Variants in CORIN observed in about 807,000 individuals in gnomAD.
CORIN encodes the protein corin, serine peptidase.
In CORIN, 117 loss-of-function variants were observed where a neutral mutation model predicts 125.3. That is an observed-to-expected ratio of 0.93 (90% confidence interval 0.80 to 1.09). The LOEUF (loss-of-function observed/expected upper bound fraction) is 1.09, where lower values mean the gene tolerates loss of function less well. Ranked by LOEUF, CORIN falls within the 50% of genes least tolerant of loss-of-function variation. The pLI is 0.00. For synonymous variants in CORIN, 450 were observed against 466.4 expected (o/e 0.96, Z 0.45); for missense variants, 1,253 against 1,306.7 (o/e 0.96, Z 0.63).
At chr4:47,676,851 C>T (rs540395385) in intron 9 of CORIN, among the ~76,000 whole-genome samples, 269 of 152,152 alleles carry the variant, frequency 1.8e-3, no homozygotes, top group African/African-American at 6.3e-3. Context: ...CGGAAGTGCT[C>T]GGTTGATATG....
chr4:47,623,398 A>G (rs1327085984), intron 19 of CORIN, among the ~76,000 whole-genome samples, 173 bp downstream of exon 19: 1 of 152,188 alleles, frequency 6.6e-6, no homozygotes, highest in Non-Finnish European at 1.5e-5. Context: ...CAGCCCACAT[A>G]TTAGATGGCA....
chr4:47,763,304 G>A, intron 4 of CORIN, 75 bp downstream of exon 4: 1 of 1,143,246 alleles, frequency 8.7e-7, no homozygotes, highest in South Asian at 1.4e-5. Context: ...GGAGTCATTT[G>A]GATAATTTTT....
chr4:47,683,934 C>T (rs1725400507), intron 6 of CORIN, 96 bp from the exon 7 acceptor site: 3 of 831,424 alleles, frequency 3.6e-6, no homozygotes, highest in Non-Finnish European at 5.7e-6. Flanking sequence ...AAGGGACACC[C>T]TAATGGTAAC....
At chr4:47,680,463 G>C (rs567609145) in intron 7 of CORIN, 1 of 469,432 alleles carries the variant, frequency 2.1e-6, no homozygotes, top group Non-Finnish European at 3.8e-6. Context: ...AGATGGGTCT[G>C]TTTTTCAGAT....
At chr4:47,670,114 T>C (rs1724682115) in intron 10 of CORIN, among the ~76,000 whole-genome samples, 1 of 152,240 alleles carries the variant, frequency 6.6e-6, no homozygotes, top group African/African-American at 2.4e-5. Context: ...CCATTCTTTC[T>C]ATTTCTGAAC....
At chr4:47,614,920 G>A (rs943562344) in intron 19 of CORIN, among the ~76,000 whole-genome samples, 3 of 152,132 alleles carry the variant, frequency 2.0e-5, no homozygotes, top group Admixed American at 1.3e-4. Context: ...ATTATCTCGG[G>A]CACTTAGAAG....
At chr4:47,654,389 T>C (rs1723870070) in intron 12 of CORIN, among the ~76,000 whole-genome samples, 1 of 152,190 alleles carries the variant, frequency 6.6e-6, no homozygotes, top group Admixed American at 6.5e-5. Flanking sequence ...TCATAGTACC[T>C]GGTTTTAAAT....
intron 1 of CORIN, among the ~76,000 whole-genome samples, chr4:47,828,862 T>C (rs1209231984): frequency 2.0e-5 from 3 of 151,408 alleles, no homozygotes; most frequent in Non-Finnish European, 4.4e-5. Context: ...AGACTTGTTA[T>C]GAAAAAAAAA....
chr4:47,785,542 A>C (rs1377276446), intron 3 of CORIN, among the ~76,000 whole-genome samples: 1 of 151,970 alleles, frequency 6.6e-6, no homozygotes, highest in Non-Finnish European at 1.5e-5. Flanking sequence ...ATTCACCAAC[A>C]TGTAAAATAA....
chr4:47,726,747 T>C (rs1727613331), intron 5 of CORIN, among the ~76,000 whole-genome samples: 1 of 152,046 alleles, frequency 6.6e-6, no homozygotes, highest in Non-Finnish European at 1.5e-5. Context: ...AAAGTAACTC[T>C]GATTTGATGA....
At chr4:47,623,870 T>C (rs754459418) in intron 18 of CORIN, 29 bp downstream of exon 18, 12 of 1,610,262 alleles carry the variant, frequency 7.5e-6, no homozygotes, top group African/African-American at 1.3e-5. Context: ...TAAGTTCATA[T>C]CCCATTGCCA....
chr4:47,732,019 G>A (rs1209958677), intron 5 of CORIN, among the ~76,000 whole-genome samples: 2 of 152,170 alleles, frequency 1.3e-5, no homozygotes, highest in African/African-American at 4.8e-5. Flanking sequence ...ACAGTGGAAT[G>A]GAGGTTTGAA....
chr4:47,623,946 T>C lies in CORIN; in HGVS notation c.2318A>G (p.Gln773Arg). ...TTLHELLVNGQSCESRSKISL... is the reference protein window; with the variant it reads ...TTLHELLVNGRSCESRSKISL... ...AATTTTACTTCTGCTCTCACAAGAC[T>C]GCCTGGATTTGGAAACATAAAATGG... The change falls in exon 18 of 22, where the codon CAG becomes CGG. Residue 773 changes from glutamine to arginine, a missense_variant and splice_region_variant. Coordinates refer to ENST00000273857, the MANE Select transcript of CORIN (RefSeq NM_006587.4). 1 of 1,612,954 alleles carries C rather than the reference T, an allele frequency of 6.2e-7. No homozygotes were observed. Among genetic ancestry groups the C allele is most frequent in the Non-Finnish European group, 8.5e-7 (1 of 1,178,956 alleles).
At chr4:47,766,020 G>A (rs556840324) in intron 3 of CORIN, among the ~76,000 whole-genome samples, 51 of 152,188 alleles carry the variant, frequency 3.4e-4, no homozygotes, top group African/African-American at 7.5e-4. Flanking sequence ...TAATCCAGCC[G>A]TTGAAATATT....
chr4:47,812,461 TAC>T (rs1357327214), intron 1 of CORIN, among the ~76,000 whole-genome samples: 1 of 152,120 alleles, frequency 6.6e-6, no homozygotes, highest in Non-Finnish European at 1.5e-5. Flanking sequence ...GCCAAGATCG[TAC>T]CACTGCACTG....
chr4:47,700,929 G>A (rs1726263792), intron 5 of CORIN, among the ~76,000 whole-genome samples: 1 of 152,162 alleles, frequency 6.6e-6, no homozygotes, highest in Admixed American at 6.5e-5. Flanking sequence ...CTGCAGAGAT[G>A]AAAACACACT....
At chr4:47,830,084 G>C (rs1305050723) in intron 1 of CORIN, among the ~76,000 whole-genome samples, 1 of 152,152 alleles carries the variant, frequency 6.6e-6, no homozygotes, top group Non-Finnish European at 1.5e-5. Flanking sequence ...CAGAGAAGTA[G>C]CATCTTGCTC....
rs560305643 is a variant in CORIN, at chr4:47,642,274, T to C, written c.2069-225A>G. Among the ~76,000 whole-genome samples the C allele has an allele frequency of 8.3e-4, 126 of 152,308 alleles. 1 individual carries two copies. The highest frequency in any genetic ancestry group is 3.0e-3 in the African/African-American group (126 of 41,574). On this transcript the variant is annotated intron_variant, in intron 15 of 21. Transcript: ENST00000273857. ...TCTACCCTCAAAGAACCGTAGACTC[T>C]AATGAAAGAGACAGGCAGTTCTTAA... is the stretch of plus-strand genomic sequence containing the variant.
At chr4:47,659,162 T>A (rs1396052483) in intron 12 of CORIN, among the ~76,000 whole-genome samples, 1 of 152,216 alleles carries the variant, frequency 6.6e-6, no homozygotes, top group Non-Finnish European at 1.5e-5. Flanking sequence ...GCCTTCACTA[T>A]CCATATCACT....
Sources: allele counts gnomAD v4.1 joint callset (sites outside exome capture counted in the v4.1 genomes callset), GRCh38; gene constraint gnomAD v4.1.1; transcripts MANE v1.5; gene names NCBI Gene and HGNC (gene_info 2026-07-23, HGNC 2026-07-21).